The following ZCWPW2 variants were observed in gnomAD, a reference collection of about 807,000 sequenced individuals.
ZCWPW2 encodes zinc finger CW-type and PWWP domain containing 2, also known as zinc finger CW-type PWWP domain protein 2.
In ZCWPW2, 45 loss-of-function variants were observed where a neutral mutation model predicts 46.6. The observed-to-expected ratio is 0.96, with a 90% CI of 0.76 to 1.24. The LOEUF (loss-of-function observed/expected upper bound fraction) is 1.24. ZCWPW2 is among the 50% of genes most tolerant of loss of function. The pLI, the probability that ZCWPW2 is intolerant of heterozygous loss-of-function variation, is 0.00. For synonymous variants in ZCWPW2, 152 were observed against 137.1 expected, an observed-to-expected ratio of 1.11 and a Z score of -0.76; for missense variants, 429 against 403.9, an observed-to-expected ratio of 1.06 and a Z score of -0.53.
intron 1 of ZCWPW2, among the ~76,000 whole-genome samples, chr3:28,355,663 T>A (rs996238984): frequency 3.3e-5 from 5 of 152,188 alleles, no homozygotes; most frequent in Non-Finnish European, 7.3e-5. Context: ...TGTAGACCAA[T>A]GGAACAGAAC....
chr3:28,447,783 C>G, intron 4 of ZCWPW2: 1 of 770,100 alleles, frequency 1.3e-6, no homozygotes. Flanking sequence ...ACTAATAAAA[C>G]TAGGCTTTCC....
intron 4 of ZCWPW2, among the ~76,000 whole-genome samples, chr3:28,439,059 G>A (rs1269358871): frequency 1.4e-5 from 2 of 145,178 alleles, no homozygotes; most frequent in Non-Finnish European, 3.0e-5. Flanking sequence ...GTGTGTGTGT[G>A]TATATATATG....
At chr3:28,412,945 G>A (rs1696461393) in intron 2 of ZCWPW2, 111 bp from the exon 3 acceptor site, 5 of 747,760 alleles carry the variant, frequency 6.7e-6, no homozygotes, top group South Asian at 5.8e-5. Flanking sequence ...GATAGAGAGG[G>A]GGTGGGCATA....
chr3:28,450,624 T>C (rs1471771984), intron 4 of ZCWPW2, among the ~76,000 whole-genome samples: 1 of 152,208 alleles, frequency 6.6e-6, no homozygotes, highest in Non-Finnish European at 1.5e-5. Flanking sequence ...GCTATGATGC[T>C]CCTATAGTAA....
chr3:28,444,185 C>T (rs1697888172), intron 4 of ZCWPW2, among the ~76,000 whole-genome samples: 1 of 152,156 alleles, frequency 6.6e-6, no homozygotes, highest in Non-Finnish European at 1.5e-5. Context: ...CACCAGATTT[C>T]TGTTTATATA....
In ZCWPW2 at chr3:28,490,601, A is replaced by G. The variant is rs925914401; in HGVS notation, c.611-1526A>G. On this transcript the variant is annotated intron_variant, in intron 5 of 9. Transcript: ENST00000383768. ...TCAAGTGCTGCATGTTGTCACTTAT[A>G]AGTGAGAACTAAACATTGAGTACAT... Among the ~76,000 whole-genome samples the G allele has an allele frequency of 2.6e-5, 4 of 152,122 alleles. No homozygotes were observed. The East Asian group carries it at 7.7e-4, about 29-fold the overall frequency.
At chr3:28,476,981 C>T (rs1398783887) in intron 4 of ZCWPW2, among the ~76,000 whole-genome samples, 2 of 152,118 alleles carry the variant, frequency 1.3e-5, no homozygotes, top group Admixed American at 6.6e-5. Context: ...TGCTGTGCCG[C>T]CCAGTTCCTA....
chr3:28,358,836 A>AC (rs113738591), intron 1 of ZCWPW2, among the ~76,000 whole-genome samples: 3,188 of 151,024 alleles, frequency 0.021, 90 homozygotes, highest in African/African-American at 0.062. Flanking sequence ...ATCTCATTTT[A>AC]CCCCCCCCAA....
At chr3:28,475,140 G>A (rs994292193) in intron 4 of ZCWPW2, among the ~76,000 whole-genome samples, 4 of 151,862 alleles carry the variant, frequency 2.6e-5, no homozygotes, top group African/African-American at 9.7e-5. Context: ...CACCGCGCCC[G>A]CCCCAAACTC....
intron 3 of ZCWPW2, among the ~76,000 whole-genome samples, chr3:28,429,713 G>A (rs1275087499): frequency 1.3e-5 from 2 of 152,120 alleles, no homozygotes; most frequent in Non-Finnish European, 2.9e-5. Flanking sequence ...CACGGGCCGG[G>A]CCCAGTGCCT....
chr3:28,473,711 A>C (rs1488041545), intron 4 of ZCWPW2, among the ~76,000 whole-genome samples: 2 of 152,186 alleles, frequency 1.3e-5, no homozygotes, highest in Non-Finnish European at 2.9e-5. Flanking sequence ...GAAGAAGGAG[A>C]TCCATTCATT....
At chr3:28,364,999 G>T (rs112439270) in intron 1 of ZCWPW2, among the ~76,000 whole-genome samples, 4,089 of 151,962 alleles carry the variant, frequency 0.027, 158 homozygotes, top group African/African-American at 0.088. Flanking sequence ...GGGTTGTTTG[G>T]TTTTTTCTTG....
chr3:28,353,883 G>A (rs530900851), intron 1 of ZCWPW2, among the ~76,000 whole-genome samples: 1 of 152,320 alleles, frequency 6.6e-6, no homozygotes, highest in Non-Finnish European at 1.5e-5. Flanking sequence ...AGAAGACTCA[G>A]TGGAGGGAAT....
At chr3:28,373,320 TA>T (rs1705400668) in intron 1 of ZCWPW2, among the ~76,000 whole-genome samples, 1 of 152,206 alleles carries the variant, frequency 6.6e-6, no homozygotes, top group African/African-American at 2.4e-5. Context: ...CAGCATTTGT[TA>T]TTTTTTGTCC....
chr3:28,358,285 C>T (rs1001537316), intron 1 of ZCWPW2, among the ~76,000 whole-genome samples: 1 of 152,018 alleles, frequency 6.6e-6, no homozygotes. Context: ...TTTAAAAGGA[C>T]CTTCTTAATA....
chr3:28,470,766 G>A (rs1243922315), intron 4 of ZCWPW2, among the ~76,000 whole-genome samples: 1 of 151,950 alleles, frequency 6.6e-6, no homozygotes, highest in Non-Finnish European at 1.5e-5. Context: ...TATTGAAGAT[G>A]TAGAGATGAG....
intron 1 of ZCWPW2, among the ~76,000 whole-genome samples, chr3:28,349,411 C>T (rs1704444053): frequency 6.6e-6 from 1 of 152,202 alleles, no homozygotes; most frequent in Non-Finnish European, 1.5e-5. Flanking sequence ...TCTGTAGCCT[C>T]TGTTTTCTAA....
chr3:28,476,191 T>C (rs1699233086), intron 4 of ZCWPW2, among the ~76,000 whole-genome samples: 1 of 151,704 alleles, frequency 6.6e-6, no homozygotes, highest in Non-Finnish European at 1.5e-5. Context: ...AATAGTAATT[T>C]TGGGAGAAGT....
chr3:28,360,113 AAATATT>A (rs1186648070), intron 1 of ZCWPW2, among the ~76,000 whole-genome samples: 1 of 151,824 alleles, frequency 6.6e-6, no homozygotes, highest in Non-Finnish European at 1.5e-5. Context: ...AAGGAACAGA[AAATATT>A]AATAATGTAT....
Sources: gnomAD v4.1 joint callset for allele counts (sites outside exome capture counted in the v4.1 genomes callset) on GRCh38, gnomAD v4.1.1 for gene constraint, MANE v1.5 for transcripts, NCBI Gene and HGNC (gene_info 2026-07-23, HGNC 2026-07-21) for gene names.